Variants in HS3ST2 observed in about 807,000 individuals in gnomAD.
The protein encoded by HS3ST2 is heparan sulfate glucosamine 3-O-sulfotransferase 2.
HS3ST2 carries 17 observed loss-of-function variants against 26.3 expected under a neutral mutation model. The ratio of observed to expected loss-of-function variants is 0.65; its 90% CI spans 0.44 to 0.97. The LOEUF is 0.97. HS3ST2 is among the 50% of genes least tolerant of loss of function. The pLI is 0.00. For synonymous variants in HS3ST2, 237 were observed against 219.2 expected, an observed-to-expected ratio of 1.08 and a Z score of -0.72; for missense variants, 402 against 501.2, an observed-to-expected ratio of 0.80 and a Z score of 1.89.
intron 1 of HS3ST2, among the ~76,000 whole-genome samples, chr16:22,840,896 G>A (rs1901342623): frequency 1.3e-5 from 2 of 152,036 alleles, no homozygotes; most frequent in Non-Finnish European, 2.9e-5. Context: ...CATGTGCCAT[G>A]TTGGTGTGCT....
intron 1 of HS3ST2, among the ~76,000 whole-genome samples, chr16:22,861,231 TC>T (rs1364164223): frequency 2.6e-5 from 4 of 152,068 alleles, no homozygotes; most frequent in Non-Finnish European, 4.4e-5. Context: ...TATATAACGT[TC>T]TTTTCTGGCC....
chr16:22,878,346 C>T (rs987289692), intron 1 of HS3ST2, among the ~76,000 whole-genome samples: 7 of 152,186 alleles, frequency 4.6e-5, no homozygotes, highest in African/African-American at 1.7e-4. Context: ...AATGATGTTA[C>T]TCAATTCTGA....
intron 1 of HS3ST2, among the ~76,000 whole-genome samples, chr16:22,820,861 G>T (rs534619907): frequency 5.9e-5 from 9 of 152,308 alleles, no homozygotes; most frequent in South Asian, 2.1e-4. Context: ...CCACTGAAAG[G>T]TTCTAAGAAG....
intron 1 of HS3ST2, among the ~76,000 whole-genome samples, chr16:22,859,436 A>G (rs1419155683): frequency 6.6e-6 from 1 of 152,202 alleles, no homozygotes; most frequent in African/African-American, 2.4e-5. Flanking sequence ...AATTTAGTCC[A>G]TGTTCTGTTG....
chr16:22,863,491 T>G (rs1901707570), intron 1 of HS3ST2, among the ~76,000 whole-genome samples: 1 of 152,230 alleles, frequency 6.6e-6, no homozygotes, highest in Non-Finnish European at 1.5e-5. Context: ...CCTGGGTATA[T>G]TGTGTGATAC....
At chr16:22,827,196 G>A (rs1901100663) in intron 1 of HS3ST2, among the ~76,000 whole-genome samples, 1 of 152,184 alleles carries the variant, frequency 6.6e-6, no homozygotes, top group Non-Finnish European at 1.5e-5. Context: ...TGGCTGGCAT[G>A]TTTGAGGAAA....
At chr16:22,845,787 T>A (rs1901423132) in intron 1 of HS3ST2, among the ~76,000 whole-genome samples, 2 of 152,240 alleles carry the variant, frequency 1.3e-5, no homozygotes, top group African/African-American at 4.8e-5. Context: ...CTTAGTAGGA[T>A]GCTGAAGATA....
At chr16:22,901,348 C>T (rs867240245) in intron 1 of HS3ST2, among the ~76,000 whole-genome samples, 5 of 152,182 alleles carry the variant, frequency 3.3e-5, no homozygotes, top group Admixed American at 2.0e-4. Context: ...TGCAATTCAA[C>T]GGGTGGCCCA....
chr16:22,829,881 C>T (rs978207675), intron 1 of HS3ST2, among the ~76,000 whole-genome samples: 4 of 152,140 alleles, frequency 2.6e-5, no homozygotes, highest in Non-Finnish European at 5.9e-5. Context: ...GTGTAATAAT[C>T]GCTAAGCTGA....
chr16:22,841,308 G>A (rs545830906), intron 1 of HS3ST2, among the ~76,000 whole-genome samples: 24 of 152,066 alleles, frequency 1.6e-4, no homozygotes, highest in African/African-American at 5.1e-4. Flanking sequence ...TGATCTGCCC[G>A]CCTTGGCCTC....
intron 1 of HS3ST2, among the ~76,000 whole-genome samples, chr16:22,853,594 G>A (rs563287535): frequency 6.6e-6 from 1 of 152,234 alleles, no homozygotes; most frequent in South Asian, 2.1e-4. Flanking sequence ...GATCGGCATT[G>A]GTTTCAGATG....
intron 1 of HS3ST2, among the ~76,000 whole-genome samples, chr16:22,878,701 G>A (rs144046234): frequency 5.3e-4 from 81 of 152,316 alleles, no homozygotes; most frequent in African/African-American, 1.9e-3. Flanking sequence ...AAGGGGTACC[G>A]AGGGAAGGGT....
At chr16:22,871,703 A>G (rs945596651) in intron 1 of HS3ST2, among the ~76,000 whole-genome samples, 1 of 152,166 alleles carries the variant, frequency 6.6e-6, no homozygotes, top group Non-Finnish European at 1.5e-5. Flanking sequence ...CTCAATAAAT[A>G]TTTGATGAAT....
At chr16:22,862,745 C>T (rs2141189922) in intron 1 of HS3ST2, among the ~76,000 whole-genome samples, 1 of 152,230 alleles carries the variant, frequency 6.6e-6, no homozygotes, top group African/African-American at 2.4e-5. Context: ...CCAGAGAAGC[C>T]AAGCAATTTT....
chr16:22,886,403 T>G (rs948533060), intron 1 of HS3ST2, among the ~76,000 whole-genome samples: 1 of 152,206 alleles, frequency 6.6e-6, no homozygotes, highest in African/African-American at 2.4e-5. Context: ...TTTGAAGATC[T>G]ACATTGGCCC....
chr16:22,866,333 A>G lies in HS3ST2; in HGVS notation c.486-48611A>G, dbSNP rs933548326. Among the ~76,000 whole-genome samples, 105 of 151,446 alleles carry G rather than the reference A, an allele frequency of 6.9e-4. 1 individual carries two copies. The highest frequency in any genetic ancestry group is 2.3e-3 in the African/African-American group (94 of 41,266). On this transcript the variant is annotated intron_variant, in intron 1 of 1. Transcript: ENST00000261374. Reference sequence around the variant, plus strand: ...CAAGCACGTGCGCGCGCGCGCACACACACACACACACTAACCAATTTGACA... The same window carrying G: ...CAAGCACGTGCGCGCGCGCGCACACGCACACACACACTAACCAATTTGACA...
chr16:22,844,203 G>C (rs1359581129), intron 1 of HS3ST2, among the ~76,000 whole-genome samples: 1 of 152,072 alleles, frequency 6.6e-6, no homozygotes, highest in Non-Finnish European at 1.5e-5. Flanking sequence ...GGAAGCCTTT[G>C]AGTGGCTTTA....
At chr16:22,903,887 G>A (rs1048009417) in intron 1 of HS3ST2, among the ~76,000 whole-genome samples, 7 of 152,190 alleles carry the variant, frequency 4.6e-5, no homozygotes, top group African/African-American at 1.7e-4. Flanking sequence ...ATGTCATTGA[G>A]GGGACTGCCA....
At position 22,915,718 on chromosome 16, in the gene HS3ST2, C is replaced by G; in HGVS notation, c.*156C>G. On this transcript the variant is annotated 3_prime_UTR_variant, in exon 2 of 2. Coordinates refer to ENST00000261374, the MANE Select transcript of HS3ST2 (RefSeq NM_006043.2). Reference sequence around the variant, plus strand: ...TTGGAACCAGGAAGCCCAGCTAAAGCCAAGAGACCAGAGAGTCCCTGCCAC... The same window carrying G: ...TTGGAACCAGGAAGCCCAGCTAAAGGCAAGAGACCAGAGAGTCCCTGCCAC... The G allele has an allele frequency of 1.3e-6, 1 of 773,644 alleles. No individual in the cohort carries two copies. Among genetic ancestry groups the G allele is most frequent in the Non-Finnish European group, 2.1e-6 (1 of 482,048 alleles). 47.9% of individuals were successfully genotyped at this position (773,644 alleles called of 1,614,324 possible).
Sources: allele counts gnomAD v4.1 joint callset (sites outside exome capture counted in the v4.1 genomes callset), GRCh38; gene constraint gnomAD v4.1.1; transcripts MANE v1.5; gene names NCBI Gene and HGNC (gene_info 2026-07-23, HGNC 2026-07-21).